The following OPCML variants were observed in gnomAD, a reference collection of about 807,000 sequenced individuals.
OPCML encodes opioid-binding protein/cell adhesion molecule.
A neutral mutation model predicts 37.8 loss-of-function variants in OPCML; 13 were observed. The ratio of observed to expected loss-of-function variants is 0.34; its 90% confidence interval spans 0.22 to 0.55. The LOEUF (loss-of-function observed/expected upper bound fraction) is 0.55. Ranked by LOEUF, OPCML falls within the 20% of genes least tolerant of loss-of-function variation. The probability of loss-of-function intolerance (pLI) is 0.91; values close to 1 mark genes in which losing one functional copy is unlikely to be tolerated. For synonymous variants in OPCML, 176 were observed against 168.8 expected, an observed-to-expected ratio of 1.04 and a Z score of -0.33; for missense variants, 341 against 435.6, an observed-to-expected ratio of 0.78 and a Z score of 1.93.
At chr11:132,749,379 A>G (rs1224358686) in intron 2 of OPCML, among the ~76,000 whole-genome samples, 1 of 152,234 alleles carries the variant, frequency 6.6e-6, no homozygotes, top group Non-Finnish European at 1.5e-5. Context: ...CAACAAGAAG[A>G]ATGAACTTGT....
chr11:133,354,230 T>G (rs374383964), intron 1 of OPCML, among the ~76,000 whole-genome samples: 1,101 of 17,540 alleles, frequency 0.063, no homozygotes, highest in South Asian at 0.12. Context: ...CTGGTGCTGG[T>G]GGTGATGGTG....
chr11:133,307,716 G>C (rs145438313), intron 1 of OPCML, among the ~76,000 whole-genome samples: 2 of 152,124 alleles, frequency 1.3e-5, no homozygotes, highest in African/African-American at 4.8e-5. Flanking sequence ...ACTCAGGTGC[G>C]TTTTGATTCC....
intron 4 of OPCML, among the ~76,000 whole-genome samples, chr11:132,523,790 A>G (rs1328154006): frequency 6.6e-6 from 1 of 152,218 alleles, no homozygotes; most frequent in African/African-American, 2.4e-5. Flanking sequence ...GTACAACCTA[A>G]TTCATGTTTT....
rs1432471724 is a variant in OPCML, at chr11:132,418,928, G to T, written c.*1265C>A. 2.0e-5 allele frequency: 3 copies of T among 152,636 alleles called. No homozygotes were observed. The highest frequency in any genetic ancestry group is 1.9e-4 in the East Asian group (1 of 5,196). 9.5% of individuals were successfully genotyped at this position (152,636 alleles called of 1,614,324 possible). ...AATCAAAACTTTTCTAGGCTGATCT[G>T]CTTCCCAAGAAAGTGTTTTAGAAAA... On this transcript the variant is annotated 3_prime_UTR_variant, in exon 8 of 8. Transcript: ENST00000524381.
chr11:132,956,933 C>A (rs1294541087), intron 1 of OPCML, among the ~76,000 whole-genome samples: 2 of 152,164 alleles, frequency 1.3e-5, no homozygotes, highest in East Asian at 1.9e-4. Flanking sequence ...GAGTTCAAGG[C>A]CAGCCTGGGC....
chr11:132,659,008 C>T (rs1181057802), intron 2 of OPCML, among the ~76,000 whole-genome samples: 2 of 152,194 alleles, frequency 1.3e-5, no homozygotes, highest in Non-Finnish European at 2.9e-5. Flanking sequence ...AATCTGCATA[C>T]TTTCTAGGTA....
chr11:132,753,488 C>T (rs1410728615), intron 2 of OPCML, among the ~76,000 whole-genome samples: 2 of 152,172 alleles, frequency 1.3e-5, no homozygotes, highest in African/African-American at 4.8e-5. Context: ...AGCCAGCTAG[C>T]TGGCTACATA....
At chr11:133,307,728 A>G (rs1295101422) in intron 1 of OPCML, among the ~76,000 whole-genome samples, 3 of 152,198 alleles carry the variant, frequency 2.0e-5, no homozygotes, top group Non-Finnish European at 2.9e-5. Context: ...TTTGATTCCA[A>G]TATCTGCAAC....
chr11:133,207,032 A>G (rs1022656443), intron 1 of OPCML, among the ~76,000 whole-genome samples: 9 of 151,614 alleles, frequency 5.9e-5, no homozygotes, highest in Admixed American at 3.9e-4. Flanking sequence ...TCACGCCTGT[A>G]ATCCCAGCAC....
intron 1 of OPCML, among the ~76,000 whole-genome samples, chr11:133,035,183 C>T (rs936942232): frequency 6.6e-6 from 1 of 152,174 alleles, no homozygotes; most frequent in Non-Finnish European, 1.5e-5. Context: ...GCAGCCAGCC[C>T]GACAGGGGAG....
intron 4 of OPCML, among the ~76,000 whole-genome samples, chr11:132,495,221 G>A (rs778163774): frequency 6.6e-6 from 1 of 152,138 alleles, no homozygotes; most frequent in Non-Finnish European, 1.5e-5. Flanking sequence ...CTCTGTCTCT[G>A]ACTTTTAGGA....
At chr11:133,488,987 A>C (rs1947593879) in intron 1 of OPCML, among the ~76,000 whole-genome samples, 1 of 145,918 alleles carries the variant, frequency 6.9e-6, no homozygotes, top group South Asian at 2.2e-4. Context: ...GGGAAAGGAC[A>C]CCCTCTTCAC....
At chr11:132,989,657 G>A (rs141639543) in intron 1 of OPCML, among the ~76,000 whole-genome samples, 13 of 151,404 alleles carry the variant, frequency 8.6e-5, no homozygotes, top group Non-Finnish European at 1.3e-4. Context: ...GTTCAGAGGT[G>A]GAGGTGTGGA....
intron 1 of OPCML, among the ~76,000 whole-genome samples, chr11:133,482,346 C>T (rs7117893): frequency 0.023 from 3,482 of 152,204 alleles, 133 homozygotes; most frequent in African/African-American, 0.079. Flanking sequence ...GGGTGGCTAG[C>T]GAGGTGTTCC....
intron 2 of OPCML, among the ~76,000 whole-genome samples, chr11:132,941,183 C>A (rs1945565064): frequency 6.6e-6 from 1 of 152,126 alleles, no homozygotes. Flanking sequence ...AATTGAAGAT[C>A]ATGAAAACAG....
intron 2 of OPCML, among the ~76,000 whole-genome samples, chr11:132,806,128 A>T (rs971687657): frequency 6.6e-6 from 1 of 152,156 alleles, no homozygotes; most frequent in African/African-American, 2.4e-5. Flanking sequence ...AGAAGTTAAT[A>T]GAAGAAATAA....
At chr11:132,552,293 CAT>C (rs1317810928) in intron 3 of OPCML, among the ~76,000 whole-genome samples, 1 of 152,190 alleles carries the variant, frequency 6.6e-6, no homozygotes, top group African/African-American at 2.4e-5. Flanking sequence ...TAAGACATTA[CAT>C]GAGACCTCTC....
At chr11:132,512,639 T>C (rs907696539) in intron 4 of OPCML, among the ~76,000 whole-genome samples, 4 of 151,906 alleles carry the variant, frequency 2.6e-5, no homozygotes, top group Admixed American at 6.6e-5. Flanking sequence ...AGTGTAGATA[T>C]GTGTGTAGGG....
intron 1 of OPCML, among the ~76,000 whole-genome samples, chr11:133,058,596 C>T (rs911652534): frequency 5.9e-5 from 9 of 152,148 alleles, no homozygotes; most frequent in Non-Finnish European, 1.0e-4. Flanking sequence ...CAGCTAGTCC[C>T]GCTCCCATCA....
Sources: allele counts gnomAD v4.1 joint callset (sites outside exome capture counted in the v4.1 genomes callset), GRCh38; gene constraint gnomAD v4.1.1; transcripts MANE v1.5; gene names NCBI Gene and HGNC (gene_info 2026-07-23, HGNC 2026-07-21).